Variants in GPC6 observed in about 807,000 individuals in gnomAD.
The protein encoded by GPC6 is glypican-6.
Under a neutral mutation model 55.2 loss-of-function variants are expected in GPC6, and 14 were observed. The ratio of observed to expected loss-of-function variants is 0.25; its 90% confidence interval spans 0.17 to 0.40. GPC6 has a LOEUF of 0.40. Among genes scored for constraint, GPC6 ranks in the 10% least tolerant of loss-of-function variants. The probability of loss-of-function intolerance (pLI) is 1.00; values close to 1 mark genes in which losing one functional copy is unlikely to be tolerated. For missense variants in GPC6, 641 were observed against 708.5 expected (o/e 0.90, Z 1.08); for synonymous variants, 278 against 259.6 (o/e 1.07, Z -0.68).
chr13:93,342,453 T>G (rs1207771858), intron 1 of GPC6, among the ~76,000 whole-genome samples: 1 of 151,944 alleles, frequency 6.6e-6, no homozygotes, highest in East Asian at 1.9e-4. Flanking sequence ...TATGAAACCA[T>G]GAGATCTCAT....
At chr13:93,995,135 T>G (rs1881478791) in intron 3 of GPC6, among the ~76,000 whole-genome samples, 1 of 151,898 alleles carries the variant, frequency 6.6e-6, no homozygotes, top group African/African-American at 2.4e-5. Flanking sequence ...TGTATAACAT[T>G]TTTCACATAG....
At chr13:93,435,262 G>A (rs1364992138) in intron 1 of GPC6, among the ~76,000 whole-genome samples, 1 of 151,882 alleles carries the variant, frequency 6.6e-6, no homozygotes, top group East Asian at 1.9e-4. Flanking sequence ...CTACAGGCAT[G>A]AGACACCATG....
At chr13:93,623,610 C>T (rs983037203) in intron 2 of GPC6, among the ~76,000 whole-genome samples, 2 of 151,996 alleles carry the variant, frequency 1.3e-5, no homozygotes, top group African/African-American at 4.8e-5. Flanking sequence ...AGGCACCCGC[C>T]ACCACTTCCA....
intron 4 of GPC6, among the ~76,000 whole-genome samples, chr13:94,210,273 C>T (rs1047714448): frequency 1.3e-5 from 2 of 151,792 alleles, no homozygotes; most frequent in Admixed American, 6.6e-5. Context: ...TCTCCCGCCT[C>T]AGCCTCCCAA....
At chr13:93,468,126 A>T (rs2139324137) in intron 1 of GPC6, among the ~76,000 whole-genome samples, 1 of 152,314 alleles carries the variant, frequency 6.6e-6, no homozygotes, top group Admixed American at 6.5e-5. Context: ...GTGAGCTTGA[A>T]TGTTAATTGA....
intron 2 of GPC6, among the ~76,000 whole-genome samples, chr13:93,812,281 T>G (rs1237381696): frequency 6.6e-6 from 1 of 151,698 alleles, no homozygotes; most frequent in East Asian, 1.9e-4. Context: ...CCCAGCTACT[T>G]GGGAGGCTGA....
intron 1 of GPC6, among the ~76,000 whole-genome samples, chr13:93,404,921 A>C (rs575401655): frequency 3.7e-4 from 56 of 152,284 alleles, no homozygotes; most frequent in African/African-American, 1.3e-3. Flanking sequence ...CACCTCATTA[A>C]TCAAATACTT....
intron 3 of GPC6, among the ~76,000 whole-genome samples, chr13:94,013,505 C>T (rs185981333): frequency 1.9e-4 from 29 of 152,186 alleles, no homozygotes; most frequent in Middle Eastern, 3.4e-3. Flanking sequence ...CATGTGCCAC[C>T]ACACCTGGGT....
At chr13:93,573,872 A>T (rs1876531587) in intron 2 of GPC6, among the ~76,000 whole-genome samples, 1 of 152,132 alleles carries the variant, frequency 6.6e-6, no homozygotes, top group African/African-American at 2.4e-5. Flanking sequence ...CAAACTGTGG[A>T]AATTAAACTT....
At chr13:94,038,782 A>G (rs1883426912) in intron 4 of GPC6, among the ~76,000 whole-genome samples, 1 of 151,936 alleles carries the variant, frequency 6.6e-6, no homozygotes, top group African/African-American at 2.4e-5. Flanking sequence ...GAAAGTAGAA[A>G]GGAGGAAGCA....
chr13:93,334,891 T>C (rs1879992168), intron 1 of GPC6, among the ~76,000 whole-genome samples: 1 of 152,254 alleles, frequency 6.6e-6, no homozygotes, highest in Non-Finnish European at 1.5e-5. Flanking sequence ...TTCCAACCTT[T>C]AACATAATTT....
intron 2 of GPC6, among the ~76,000 whole-genome samples, chr13:93,720,042 T>C (rs538434341): frequency 3.3e-5 from 5 of 152,040 alleles, no homozygotes; most frequent in African/African-American, 4.8e-5. Flanking sequence ...GCCTGAAATT[T>C]TCTTTTTTTG....
intron 3 of GPC6, among the ~76,000 whole-genome samples, chr13:93,898,915 G>A (rs1254776499): frequency 1.4e-5 from 2 of 139,840 alleles, no homozygotes; most frequent in African/African-American, 5.4e-5. Context: ...CAGCAGATTT[G>A]GGATATATAA....
intron 1 of GPC6, among the ~76,000 whole-genome samples, chr13:93,339,085 C>T (rs1880145727): frequency 6.6e-6 from 1 of 152,118 alleles, no homozygotes; most frequent in Admixed American, 6.5e-5. Flanking sequence ...GGAAATAGCC[C>T]ATTACACTTT....
intron 3 of GPC6, among the ~76,000 whole-genome samples, chr13:93,945,516 A>G (rs1363208411): frequency 2.0e-5 from 3 of 152,230 alleles, no homozygotes; most frequent in East Asian, 1.9e-4. Context: ...GAAGCAGGAC[A>G]TCTTACGTGG....
intron 1 of GPC6, among the ~76,000 whole-genome samples, chr13:93,281,620 C>T (rs539340701): frequency 6.6e-6 from 1 of 152,244 alleles, no homozygotes; most frequent in South Asian, 2.1e-4. Context: ...TCAAAACCAG[C>T]CTGACCAACC....
At chr13:94,311,145 T>A (rs1320170217) in intron 6 of GPC6, among the ~76,000 whole-genome samples, 1 of 152,220 alleles carries the variant, frequency 6.6e-6, no homozygotes, top group Non-Finnish European at 1.5e-5. Flanking sequence ...TCAGGCTATC[T>A]TACTTGACTA....
rs573488630 is a variant in GPC6, at chr13:93,527,515, A to G, written c.161-17748A>G. 2.6e-5 allele frequency among the ~76,000 whole-genome samples: 4 copies of G among 152,252 alleles called. No homozygotes were observed. In the East Asian group the frequency reaches 5.8e-4, roughly 22 times the overall value. On this transcript the variant is annotated intron_variant, in intron 1 of 8. Transcript: ENST00000377047. ...TAATCACACAAATTATTTAATGATA[A>G]TGCTTGACTGTACTGCTGTTACCTG...
intron 1 of GPC6, among the ~76,000 whole-genome samples, chr13:93,399,244 G>A (rs947791274): frequency 9.2e-5 from 14 of 152,136 alleles, no homozygotes; most frequent in African/African-American, 3.1e-4. Flanking sequence ...CCCTTAGAAG[G>A]GCTTGTGCAT....
Sources: gnomAD v4.1 joint callset for allele counts (sites outside exome capture counted in the v4.1 genomes callset) on GRCh38, gnomAD v4.1.1 for gene constraint, MANE v1.5 for transcripts, NCBI Gene and HGNC (gene_info 2026-07-23, HGNC 2026-07-21) for gene names.